Variants in SDK1 observed in about 807,000 individuals in gnomAD.
SDK1 encodes the protein protein sidekick-1.
In SDK1, 157 loss-of-function variants were observed where a neutral mutation model predicts 245.5. That is an observed-to-expected ratio of 0.64 (90% confidence interval 0.56 to 0.73). SDK1 has a LOEUF of 0.73. SDK1 is among the 30% of genes least tolerant of loss of function. SDK1 has a pLI of 0.00. For synonymous variants in SDK1, 1,647 were observed against 1,278.5 expected (o/e 1.29, Z -6.15); for missense variants, 3,583 against 3,002.3 (o/e 1.19, Z -4.52).
chr7:3,890,901 C>T (rs764859153), intron 5 of SDK1, among the ~76,000 whole-genome samples: 66 of 152,180 alleles, frequency 4.3e-4, no homozygotes, highest in Admixed American at 3.3e-3. Flanking sequence ...GAAAGCACTC[C>T]AGCCTGGGTG....
intron 44 of SDK1, among the ~76,000 whole-genome samples, chr7:4,248,408 C>G (rs754293673): frequency 2.2e-4 from 33 of 151,838 alleles, no homozygotes; most frequent in Admixed American, 5.2e-4. Context: ...CATATGTACA[C>G]ATACACACAT....
intron 7 of SDK1, among the ~76,000 whole-genome samples, chr7:3,957,155 G>A (rs1339251560): frequency 6.6e-6 from 1 of 152,174 alleles, no homozygotes; most frequent in African/African-American, 2.4e-5. Flanking sequence ...GAACGGATTA[G>A]TGGTTGTGAG....
At chr7:4,017,119 G>A (rs1044234677) in intron 16 of SDK1, 52 bp from the exon 17 acceptor site, 41 of 1,533,042 alleles carry the variant, frequency 2.7e-5, no homozygotes, top group African/African-American at 1.2e-4. Flanking sequence ...GGTAAACACC[G>A]TTCCTGGGTC....
chr7:3,570,533 A>G (rs1003635295), intron 1 of SDK1, among the ~76,000 whole-genome samples: 1 of 152,150 alleles, frequency 6.6e-6, no homozygotes. Context: ...TCTTCTCTGC[A>G]TCTTGCTGGA....
Position 3,967,583 on chromosome 7 carries a change from C to T in SDK1, c.1546+149C>T. The T allele has an allele frequency of 9.7e-6, 6 of 618,066 alleles. No individual in the cohort carries two copies. The South Asian group carries it at 1.0e-4, about 10-fold the overall frequency. 38.3% of individuals were successfully genotyped at this position (618,066 alleles called of 1,614,324 possible). On this transcript the variant is annotated intron_variant, in intron 10 of 44. Coordinates refer to ENST00000404826, the MANE Select transcript of SDK1 (RefSeq NM_152744.4). ...AACTCTTATTGCAGCAGTCCCCAAC[C>T]TTTTTGGCACCAGGGACCTGTTTCT...
intron 5 of SDK1, among the ~76,000 whole-genome samples, chr7:3,902,557 T>C (rs1781826188): frequency 6.6e-6 from 1 of 152,222 alleles, no homozygotes; most frequent in Admixed American, 6.5e-5. Flanking sequence ...TTCCATTTGT[T>C]ATATTACCTA....
intron 4 of SDK1, among the ~76,000 whole-genome samples, chr7:3,691,197 G>T (rs1311932744): frequency 1.3e-5 from 2 of 150,852 alleles, no homozygotes; most frequent in Admixed American, 6.6e-5. Context: ...AAGCAATAGA[G>T]AATTCTGGAC....
At chr7:3,487,551 G>T (rs774870165) in intron 1 of SDK1, among the ~76,000 whole-genome samples, 3 of 151,890 alleles carry the variant, frequency 2.0e-5, no homozygotes, top group Non-Finnish European at 2.9e-5. Context: ...AGACCAGCTT[G>T]GGCAACGTGG....
intron 44 of SDK1, among the ~76,000 whole-genome samples, chr7:4,258,473 T>C (rs938591034): frequency 1.3e-5 from 2 of 152,204 alleles, no homozygotes; most frequent in Admixed American, 1.3e-4. Context: ...GCAGAGACGC[T>C]TTCCATATAA....
chr7:3,464,915 C>A (rs797011152), intron 1 of SDK1, among the ~76,000 whole-genome samples: 8 of 151,794 alleles, frequency 5.3e-5, no homozygotes, highest in African/African-American at 1.9e-4. Context: ...TTTTTTTTCC[C>A]TTTAGTATTT....
intron 2 of SDK1, among the ~76,000 whole-genome samples, chr7:3,623,043 A>G (rs578024606): frequency 2.3e-4 from 35 of 152,284 alleles, no homozygotes; most frequent in Non-Finnish European, 4.4e-4. Context: ...AAATGAAAAA[A>G]ACATGGATAC....
chr7:3,563,508 G>C (rs76698553), intron 1 of SDK1, among the ~76,000 whole-genome samples: 1,581 of 152,190 alleles, frequency 0.01, 33 homozygotes, highest in African/African-American at 0.036. Context: ...AATATGACAA[G>C]AAGATGTAAC....
rs1413791156 is a variant in SDK1 at position 4,208,191 on chromosome 7, C to T, written c.5307C>T (p.Thr1769=). The change falls in exon 37 of 45, where the codon ACC becomes ACT. Residue 1769 remains threonine (T), a synonymous_variant. Transcript: ENST00000404826. The part of the protein sequence containing the change: ...PEPVVRLKNL[T]SHTKYLVSIS... Reference sequence around the variant, plus strand: ...CCGTGGTGAGGCTGAAGAACCTGACCAGCCATACCAAGTACCTGGTCAGCA... The same window carrying T: ...CCGTGGTGAGGCTGAAGAACCTGACTAGCCATACCAAGTACCTGGTCAGCA... The T allele has an allele frequency of 6.2e-7, 1 of 1,613,966 alleles. No homozygotes were observed. The highest frequency in any genetic ancestry group is 1.7e-5 in the Admixed American group (1 of 59,996).
At chr7:3,521,699 G>C (rs1276367440) in intron 1 of SDK1, among the ~76,000 whole-genome samples, 1 of 152,156 alleles carries the variant, frequency 6.6e-6, no homozygotes, top group South Asian at 2.1e-4. Flanking sequence ...AGTGGGGGAA[G>C]AACTTGATCA....
intron 5 of SDK1, among the ~76,000 whole-genome samples, chr7:3,916,763 T>C (rs1779394634): frequency 6.6e-6 from 1 of 152,258 alleles, no homozygotes; most frequent in Non-Finnish European, 1.5e-5. Context: ...CTATATACTT[T>C]ACATTACCCT....
intron 4 of SDK1, among the ~76,000 whole-genome samples, chr7:3,723,260 G>C (rs1778874874): frequency 6.6e-6 from 1 of 152,246 alleles, no homozygotes; most frequent in African/African-American, 2.4e-5. Context: ...AGCTGCCTTT[G>C]AGTATGGAGG....
chr7:3,856,830 A>G lies in SDK1; in HGVS notation c.847+35247A>G, dbSNP rs552599831. On this transcript the variant is annotated intron_variant, in intron 5 of 44. Transcript: ENST00000404826. ...GTTATATGCTACTTATAGGATATAA[A>G]TTTTTTAATTGCATAGTATGAAAAC... Among the ~76,000 whole-genome samples the G allele has an allele frequency of 2.6e-5, 4 of 152,282 alleles. No individual in the cohort carries two copies. In the South Asian group the frequency reaches 6.2e-4, roughly 24 times the overall value.
At chr7:3,478,814 T>C (rs1352797312) in intron 1 of SDK1, among the ~76,000 whole-genome samples, 2 of 152,200 alleles carry the variant, frequency 1.3e-5, no homozygotes, top group African/African-American at 4.8e-5. Flanking sequence ...TATATTCTTT[T>C]ATCATTTGAA....
At chr7:3,727,138 C>G (rs1009284747) in intron 4 of SDK1, among the ~76,000 whole-genome samples, 1 of 152,182 alleles carries the variant, frequency 6.6e-6, no homozygotes, top group Non-Finnish European at 1.5e-5. Context: ...TTTGAAGGGA[C>G]TGATTTTCAC....
Sources: allele counts gnomAD v4.1 joint callset (sites outside exome capture counted in the v4.1 genomes callset), GRCh38; gene constraint gnomAD v4.1.1; transcripts MANE v1.5; gene names NCBI Gene and HGNC (gene_info 2026-07-23, HGNC 2026-07-21).